Variants in TSHZ3 observed in about 807,000 individuals in gnomAD.
TSHZ3 encodes the protein teashirt homolog 3.
A neutral mutation model predicts 64.5 loss-of-function variants in TSHZ3; 10 were observed. The ratio of observed to expected loss-of-function variants is 0.16; its 90% CI spans 0.10 to 0.26. The LOEUF is 0.26. TSHZ3 is among the 10% of genes least tolerant of loss of function. The probability of loss-of-function intolerance (pLI) is 1.00; values close to 1 mark genes in which losing one functional copy is unlikely to be tolerated. For synonymous variants in TSHZ3, 608 were observed against 593.1 expected (o/e 1.03, Z -0.36); for missense variants, 1,242 against 1,421.7 (o/e 0.87, Z 2.03).
chr19:31,212,212 T>C (rs1357887756), intron 4 of TSHZ3, among the ~76,000 whole-genome samples: 2 of 151,894 alleles, frequency 1.3e-5, no homozygotes, highest in Non-Finnish European at 2.9e-5. Flanking sequence ...TACCAGCAAT[T>C]TGGGAGGCCA....
chr19:31,349,505 TG>T (rs1307109387), upstream of TSHZ3: 6 of 304,590 alleles, frequency 2.0e-5, no homozygotes, highest in African/African-American at 1.6e-4. Context: ...GAGGAGGAGG[TG>T]GAGGAGGAGG....
intron 1 of TSHZ3, among the ~76,000 whole-genome samples, chr19:31,245,744 T>C (rs1002842887): frequency 1.3e-5 from 2 of 152,060 alleles, no homozygotes; most frequent in Non-Finnish European, 2.9e-5. Context: ...GTCTCAAGAG[T>C]GCATTCCCTG....
At chr19:31,192,881 A>G (rs1002211087) in intron 5 of TSHZ3, among the ~76,000 whole-genome samples, 2 of 152,194 alleles carry the variant, frequency 1.3e-5, no homozygotes, top group Non-Finnish European at 2.9e-5. Context: ...CTTTTTGATG[A>G]AAACAGTAGA....
intron 5 of TSHZ3, among the ~76,000 whole-genome samples, chr19:31,188,549 T>C (rs937402386): frequency 6.6e-6 from 1 of 152,020 alleles, no homozygotes; most frequent in Non-Finnish European, 1.5e-5. Flanking sequence ...GCAAATGCTT[T>C]TTCTGCATTT....
In TSHZ3 at chr19:31,278,805, G is replaced by A; in HGVS notation, c.988C>T (p.Leu330Phe). The part of the protein sequence containing the change: ...TRKKASLELE[L>F]PSSPDSTGGT... ...CCTGTGGAATCTGGGGAGCTGGGGA[G>A]CTCCAGCTCCAGGGAAGCTTTCTTC... The change falls in exon 2 of 2, where the codon CTC becomes TTC. Residue 330 changes from leucine to phenylalanine, a missense_variant. By Grantham distance (22) the Leu-to-Phe change is conservative. Transcript: ENST00000240587. This position sits in a 1 kb window ranked among gnomAD's most constrained non-coding sequence, Gnocchi z 4.7. 1 of 1,614,178 alleles carries A rather than the reference G, an allele frequency of 6.2e-7. No individual in the cohort carries two copies. The highest frequency in any genetic ancestry group is 1.1e-5 in the South Asian group (1 of 91,082).
At chr19:31,349,106 C>A in intron 1 of TSHZ3, 74 bp downstream of exon 1, 1 of 1,503,664 alleles carries the variant, frequency 6.7e-7, no homozygotes, top group Non-Finnish European at 8.9e-7. Flanking sequence ...GGAGCGGGGT[C>A]GCGCCCGCTG....
intron 5 of TSHZ3, among the ~76,000 whole-genome samples, chr19:31,174,630 T>C (rs530322751): frequency 1.3e-5 from 2 of 152,366 alleles, no homozygotes; most frequent in South Asian, 2.1e-4. Context: ...TATGGGTTTG[T>C]CTTCTCTGTG....
At chr19:31,211,409 G>A (rs921563497) in intron 4 of TSHZ3, among the ~76,000 whole-genome samples, 3 of 152,284 alleles carry the variant, frequency 2.0e-5, no homozygotes, top group Non-Finnish European at 1.5e-5. Context: ...TACAGCAGAC[G>A]CAGAAGGGAA....
At chr19:31,249,060 A>AC (rs1264423698) in intron 1 of TSHZ3, among the ~76,000 whole-genome samples, 1 of 151,354 alleles carries the variant, frequency 6.6e-6, no homozygotes, top group Admixed American at 6.6e-5. Flanking sequence ...CTCGCTTGCG[A>AC]CCCCCAAGAC....
intron 1 of TSHZ3, among the ~76,000 whole-genome samples, chr19:31,307,406 G>C (rs915740601): frequency 6.6e-6 from 1 of 152,134 alleles, no homozygotes; most frequent in Non-Finnish European, 1.5e-5. Context: ...GAGCGGAGCT[G>C]AGAGTGTCAA....
At chr19:31,301,467 G>A (rs1976756010) in intron 1 of TSHZ3, among the ~76,000 whole-genome samples, 1 of 152,164 alleles carries the variant, frequency 6.6e-6, no homozygotes, top group Non-Finnish European at 1.5e-5. Context: ...ACCTCGCCCT[G>A]GTCACGCCGT....
intron 1 of TSHZ3, among the ~76,000 whole-genome samples, chr19:31,321,793 T>C (rs923470792): frequency 6.6e-6 from 1 of 151,976 alleles, no homozygotes; most frequent in African/African-American, 2.4e-5. Context: ...TTATATATAT[T>C]ATGTATGAGT....
chr19:31,212,824 A>C (rs1975276800), intron 4 of TSHZ3, among the ~76,000 whole-genome samples: 1 of 152,186 alleles, frequency 6.6e-6, no homozygotes, highest in African/African-American at 2.4e-5. Flanking sequence ...TTTATTCATA[A>C]GTATTAACAC....
intron 1 of TSHZ3, among the ~76,000 whole-genome samples, chr19:31,335,654 G>A (rs974508066): frequency 3.3e-5 from 5 of 152,182 alleles, no homozygotes; most frequent in African/African-American, 4.8e-5. Flanking sequence ...ACCTGAAGTC[G>A]AAGCCACTCA....
At chr19:31,257,975 G>C (rs1308162208) in intron 1 of TSHZ3, among the ~76,000 whole-genome samples, 1 of 152,208 alleles carries the variant, frequency 6.6e-6, no homozygotes, top group African/African-American at 2.4e-5. Flanking sequence ...TTTGGGAAGT[G>C]CAAGGGAGAC....
intron 1 of TSHZ3, among the ~76,000 whole-genome samples, chr19:31,252,679 G>A (rs1284501803): frequency 6.6e-6 from 1 of 152,166 alleles, no homozygotes; most frequent in African/African-American, 2.4e-5. Flanking sequence ...CTTCTGCCAT[G>A]ATTGTAAGTT....
At chr19:31,194,975 A>G (rs1974963249) in intron 5 of TSHZ3, among the ~76,000 whole-genome samples, 1 of 152,164 alleles carries the variant, frequency 6.6e-6, no homozygotes. Flanking sequence ...AGTAAATTGG[A>G]CATGGCTGAA....
chr19:31,181,767 T>C (rs1469454098), intron 5 of TSHZ3, among the ~76,000 whole-genome samples: 1 of 152,218 alleles, frequency 6.6e-6, no homozygotes, highest in Non-Finnish European at 1.5e-5. Flanking sequence ...CTTCTGCTTT[T>C]TTTTGTTGTT....
chr19:31,306,210 G>A (rs561623388), intron 1 of TSHZ3, among the ~76,000 whole-genome samples: 2 of 152,344 alleles, frequency 1.3e-5, no homozygotes, highest in African/African-American at 4.8e-5. Flanking sequence ...AGATGGAGTT[G>A]CGGGGCCTCT....
Sources: allele counts gnomAD v4.1 joint callset (sites outside exome capture counted in the v4.1 genomes callset), GRCh38; gene constraint gnomAD v4.1.1; non-coding constraint Gnocchi (gnomAD v3.1); transcripts MANE v1.5; gene names NCBI Gene and HGNC (gene_info 2026-07-23, HGNC 2026-07-21).